PDE3A: variants seen among roughly 807,000 people sequenced by gnomAD.
The protein encoded by PDE3A is cGMP-inhibited 3',5'-cyclic phosphodiesterase 3A.
Under a neutral mutation model 98.3 loss-of-function variants are expected in PDE3A, and 43 were observed. The observed-to-expected ratio is 0.44, with a 90% CI of 0.34 to 0.56. The LOEUF is 0.56. PDE3A is among the 20% of genes least tolerant of loss of function. The pLI is 0.01. For synonymous variants in PDE3A, 663 were observed against 567.9 expected (o/e 1.17, Z -2.38); for missense variants, 1,427 against 1,440.7 (o/e 0.99, Z 0.15).
In PDE3A at chr12:20,369,208, TGTGC is replaced by T. The variant is rs1232907163; in HGVS notation, c.-75_-72del. ...GTGCGTGCGTGTGTGTGTGTGTGTG[TGTGC>T]GCGCGCGCGCGTGGGTCGGGGCGGG... is the stretch of plus-strand genomic sequence containing the variant. On this transcript the variant is annotated 5_prime_UTR_variant, in exon 1 of 16. Coordinates refer to ENST00000359062, the MANE Select transcript of PDE3A (RefSeq NM_000921.5). The T allele has an allele frequency of 4.0e-4, 327 of 823,420 alleles. No individual in the cohort carries two copies. Among genetic ancestry groups the T allele is most frequent in the South Asian group, 2.9e-3 (153 of 53,630 alleles). The allele number at this position is 823,420 out of a possible 1,614,324, so 51.0% of individuals were successfully genotyped here. A position where few individuals can be genotyped will look rare whatever the true frequency, so the allele number is the denominator to read the frequency against.
At chr12:20,560,491 C>T (rs1565589352) in intron 2 of PDE3A, among the ~76,000 whole-genome samples, 1 of 151,964 alleles carries the variant, frequency 6.6e-6, no homozygotes, top group Non-Finnish European at 1.5e-5. Flanking sequence ...CATTAGTGAA[C>T]TTTCAAAAAA....
In PDE3A at chr12:20,452,841, C is replaced by T. The variant is rs149541895; in HGVS notation, c.960+82597C>T. On this transcript the variant is annotated intron_variant, in intron 1 of 15. Coordinates refer to ENST00000359062, the MANE Select transcript of PDE3A (RefSeq NM_000921.5). The stretch of plus-strand genomic sequence containing the variant: ...CCCCCTGACACTGAATGGCTTCTGA[C>T]CCTCGCACTCTTTGGGTGGCTCAGA... Among the ~76,000 whole-genome samples, 8 of 152,278 alleles carry T rather than the reference C, an allele frequency of 5.3e-5. No homozygotes were observed. The East Asian group carries it at 1.6e-3, about 30-fold the overall frequency.
At chr12:20,625,156 A>C (rs559192817) in intron 5 of PDE3A, among the ~76,000 whole-genome samples, 50 of 152,342 alleles carry the variant, frequency 3.3e-4, no homozygotes, top group African/African-American at 1.2e-3. Context: ...TAAATAGCTG[A>C]AACACAAATT....
chr12:20,669,091 C>A (rs368975179), intron 15 of PDE3A, among the ~76,000 whole-genome samples: 17 of 150,998 alleles, frequency 1.1e-4, no homozygotes, highest in Non-Finnish European at 2.2e-4. Flanking sequence ...CTGGAAGAAA[C>A]GGTATCAGCG....
chr12:20,533,513 G>C (rs1489634682), intron 1 of PDE3A, among the ~76,000 whole-genome samples: 1 of 140,854 alleles, frequency 7.1e-6, no homozygotes, highest in Non-Finnish European at 1.5e-5. Flanking sequence ...ACGTGGTCTC[G>C]TCCTGTCACC....
At chr12:20,450,548 A>C (rs1318745413) in intron 1 of PDE3A, among the ~76,000 whole-genome samples, 1 of 152,242 alleles carries the variant, frequency 6.6e-6, no homozygotes, top group African/African-American at 2.4e-5. Context: ...AAAGTGAAAA[A>C]GAGATTCGTG....
chr12:20,513,244 T>C (rs1946260643), intron 1 of PDE3A, among the ~76,000 whole-genome samples: 1 of 152,200 alleles, frequency 6.6e-6, no homozygotes, highest in African/African-American at 2.4e-5. Flanking sequence ...AATATAAATT[T>C]ATACGATTTT....
At chr12:20,388,951 A>G (rs1333245142) in intron 1 of PDE3A, among the ~76,000 whole-genome samples, 1 of 152,064 alleles carries the variant, frequency 6.6e-6, no homozygotes, top group African/African-American at 2.4e-5. Context: ...GAGCTGTACA[A>G]TTTTGCAGAA....
chr12:20,652,496 G>T (rs1272859191), intron 14 of PDE3A, among the ~76,000 whole-genome samples: 1 of 152,172 alleles, frequency 6.6e-6, no homozygotes, highest in East Asian at 1.9e-4. Context: ...TTGTGGTTTT[G>T]ATTTGCATTT....
At chr12:20,375,374 C>A (rs1464852808) in intron 1 of PDE3A, among the ~76,000 whole-genome samples, 3 of 151,644 alleles carry the variant, frequency 2.0e-5, no homozygotes. Flanking sequence ...AGTAAGGCTA[C>A]TATGGAATTG....
chr12:20,664,448 A>G (rs999684081), intron 15 of PDE3A, among the ~76,000 whole-genome samples: 1 of 152,152 alleles, frequency 6.6e-6, no homozygotes, highest in Non-Finnish European at 1.5e-5. Flanking sequence ...GAGGTCTTCC[A>G]GACACTTCAT....
At chr12:20,385,075 T>C (rs1281818552) in intron 1 of PDE3A, among the ~76,000 whole-genome samples, 1 of 152,070 alleles carries the variant, frequency 6.6e-6, no homozygotes, top group Non-Finnish European at 1.5e-5. Flanking sequence ...TAAAATGGTA[T>C]TACTGGTTCT....
chr12:20,391,723 A>G (rs1455893095), intron 1 of PDE3A, among the ~76,000 whole-genome samples: 3 of 151,774 alleles, frequency 2.0e-5, no homozygotes, highest in African/African-American at 7.3e-5. Context: ...GCTTTTGCCT[A>G]ATCACTACCA....
At chr12:20,546,302 C>G (rs1942056434) in intron 1 of PDE3A, among the ~76,000 whole-genome samples, 1 of 151,736 alleles carries the variant, frequency 6.6e-6, no homozygotes, top group Non-Finnish European at 1.5e-5. Flanking sequence ...TCCACTCTTA[C>G]TTTTCTGAAG....
chr12:20,633,897 A>T (rs577046847), intron 7 of PDE3A, 119 bp downstream of exon 7: 4 of 597,180 alleles, frequency 6.7e-6, no homozygotes, highest in African/African-American at 1.9e-5. Flanking sequence ...ACGGGGTCTC[A>T]TGATGTTGGT....
At chr12:20,436,906 C>A (rs1323456487) in intron 1 of PDE3A, among the ~76,000 whole-genome samples, 1 of 152,190 alleles carries the variant, frequency 6.6e-6, no homozygotes. Context: ...ATTGAACTAG[C>A]TTTCCCCTTA....
intron 1 of PDE3A, among the ~76,000 whole-genome samples, chr12:20,393,870 T>C (rs1221439877): frequency 6.6e-6 from 1 of 152,020 alleles, no homozygotes; most frequent in Non-Finnish European, 1.5e-5. Flanking sequence ...CTAACCTGCC[T>C]TCGATTCTGA....
At chr12:20,386,061 A>C (rs1943766414) in intron 1 of PDE3A, among the ~76,000 whole-genome samples, 1 of 91,140 alleles carries the variant, frequency 1.1e-5, no homozygotes, top group Admixed American at 1.7e-4. Flanking sequence ...AATATATATA[A>C]ATATATATAA....
chr12:20,532,829 C>T (rs1285811815), intron 1 of PDE3A, among the ~76,000 whole-genome samples: 1 of 151,388 alleles, frequency 6.6e-6, no homozygotes, highest in African/African-American at 2.4e-5. Context: ...GCTGGGACTA[C>T]AGGCGCCCGC....
Sources: allele counts gnomAD v4.1 joint callset (sites outside exome capture counted in the v4.1 genomes callset), GRCh38; gene constraint gnomAD v4.1.1; transcripts MANE v1.5; gene names NCBI Gene and HGNC (gene_info 2026-07-23, HGNC 2026-07-21).